Variants in MYOM1 observed in about 807,000 individuals in gnomAD.
The protein encoded by MYOM1 is myomesin 1.
Under a neutral mutation model 205.3 loss-of-function variants are expected in MYOM1, and 164 were observed. The ratio of observed to expected loss-of-function variants is 0.80; its 90% CI spans 0.70 to 0.91. The LOEUF (loss-of-function observed/expected upper bound fraction) is 0.91, where lower values mean the gene tolerates loss of function less well. MYOM1 is among the 40% of genes least tolerant of loss of function. The pLI, the probability that MYOM1 is intolerant of heterozygous loss-of-function variation, is 0.00. For synonymous variants in MYOM1, 772 were observed against 789.4 expected (o/e 0.98, Z 0.37); for missense variants, 2,011 against 2,127.3 (o/e 0.95, Z 1.08).
chr18:3,232,034 TA>T, the MYOM1 span, among the ~76,000 whole-genome samples: 3 of 151,888 alleles, frequency 2.0e-5, no homozygotes, highest in Non-Finnish European at 4.4e-5. Context: ...TTTGAATTTT[TA>T]AAAGTAGAAC....
intron 1 of MYOM1, among the ~76,000 whole-genome samples, chr18:3,215,457 A>G (rs1405995694): frequency 6.6e-6 from 1 of 151,998 alleles, no homozygotes; most frequent in African/African-American, 2.4e-5. Context: ...AGAAAAAATT[A>G]GCCGGGTGTG....
At position 3,215,102 on chromosome 18, in the gene MYOM1, T is replaced by A; in HGVS notation, c.122A>T (p.Gln41Leu). The change falls in exon 2 of 38, where the codon CAG becomes CTG. Residue 41 changes from glutamine to leucine, a missense_variant. Coordinates refer to ENST00000356443, the MANE Select transcript of MYOM1 (RefSeq NM_003803.4). ...GCGGCTGCTGTAGGCCGTGGAGCCC[T>A]GGGTGTAGACGGCGGAGCGTTTCTT... ...REKKRSAVYT[Q>L]GSTAYSSRSS... is the part of the protein sequence containing the mutation. 2 of 1,613,804 alleles carry A rather than the reference T, an allele frequency of 1.2e-6. No individual in the cohort carries two copies. The highest frequency in any genetic ancestry group is 1.1e-5 in the South Asian group (1 of 91,078).
chr18:3,153,112 TCTGTGCAGATACTG>T (rs1322943460), intron 11 of MYOM1, among the ~76,000 whole-genome samples: 2 of 152,172 alleles, frequency 1.3e-5, no homozygotes, highest in African/African-American at 4.8e-5. Context: ...CAGCCTCTTC[TCTGTGCAGATACTG>T]CTATGGTGAC....
Position 3,174,003 on chromosome 18 carries a change from A to G in MYOM1, c.1112-3T>C, listed in dbSNP as rs759317965. 24 of 1,613,028 alleles carry G rather than the reference A, an allele frequency of 1.5e-5. No homozygotes were observed. The highest frequency in any genetic ancestry group is 2.0e-5 in the Non-Finnish European group (24 of 1,179,202). On this transcript the variant is annotated splice_polypyrimidine_tract_variant and splice_region_variant and intron_variant, in intron 7 of 37. Transcript: ENST00000356443. ...CTCATCAAACTCTCCCTTATACCCT[A>G]GAGAAGAAAACAGAAACGCATGTGA...
chr18:3,206,719 A>G (rs1399354579), intron 2 of MYOM1, among the ~76,000 whole-genome samples: 1 of 152,142 alleles, frequency 6.6e-6, no homozygotes, highest in Non-Finnish European at 1.5e-5. Flanking sequence ...CAATCTTGAC[A>G]CACATGGAGG....
rs756337373 is a variant in MYOM1, at chr18:3,100,156, T to TA, written c.3727+2dup. 1 of 1,613,868 alleles carries TA rather than the reference T, an allele frequency of 6.2e-7. No homozygotes were observed. On this transcript the variant is annotated splice_region_variant and intron_variant, in intron 25 of 37. Transcript: ENST00000356443. The stretch of plus-strand genomic sequence containing the variant: ...AACCTGTGAATGTATTGTGGATACT[T>TA]ACTTGGGAACTTGTGTTCATGGCTG...
chr18:3,143,041 G>A (rs1470759193), intron 13 of MYOM1, among the ~76,000 whole-genome samples: 1 of 152,120 alleles, frequency 6.6e-6, no homozygotes, highest in East Asian at 1.9e-4. Flanking sequence ...AGAGAAACTT[G>A]CAAACCCTAT....
At chr18:3,203,517 T>C (rs1271850089) in intron 2 of MYOM1, among the ~76,000 whole-genome samples, 4 of 151,650 alleles carry the variant, frequency 2.6e-5, no homozygotes, top group East Asian at 3.9e-4. Flanking sequence ...TGCCAACAAA[T>C]TAGACAACTT....
rs1206591563 is a variant in MYOM1 at position 3,175,562 on chromosome 18, C to G, written c.1022+480G>C. 2.0e-5 allele frequency among the ~76,000 whole-genome samples: 3 copies of G among 152,146 alleles called. No individual in the cohort carries two copies. In the East Asian group the frequency reaches 5.8e-4, roughly 29 times the overall value. ...ACAGAGTGCATACTTTCCCATGGTT[C>G]CTGGCAAGCTGAAGGAAAGAACATT... On this transcript the variant is annotated intron_variant, in intron 6 of 37. Coordinates refer to ENST00000356443, the MANE Select transcript of MYOM1 (RefSeq NM_003803.4).
rs4330000 is a variant in MYOM1 at position 3,191,966 on chromosome 18, A to C, written c.431+1852T>G. Among the ~76,000 whole-genome samples the C allele has an allele frequency of 5.7e-3, 867 of 152,126 alleles. 8 individuals are homozygous for C. Among genetic ancestry groups the C allele is most frequent in the Non-Finnish European group, 9.7e-3 (661 of 67,998 alleles). Reference sequence around the variant, plus strand: ...CCGCCTCAGCCTCCCAAAGTGCTGGAATTACAGGCATGAGCCACCGTGCCT... The same window carrying C: ...CCGCCTCAGCCTCCCAAAGTGCTGGCATTACAGGCATGAGCCACCGTGCCT... On this transcript the variant is annotated intron_variant, in intron 3 of 37. Transcript: ENST00000356443.
chr18:3,135,584 T>G lies in MYOM1; in HGVS notation c.2172A>C (p.Ser724=), dbSNP rs778168118. The change falls in exon 15 of 38, where the codon TCA becomes TCC. Residue 724 remains serine, a synonymous_variant. Transcript: ENST00000356443. The surrounding 1 kb of genome is among the most constrained non-coding windows in gnomAD (Gnocchi z 4.1). ...CSNSAGVGEP[S]EATEVTVVGD... is the part of the protein sequence containing the mutation. ...CTACCACAGTCACCTCCGTTGCCTC[T>G]GAGGGCTCACCAACTCCTGCAGAAT... 8.1e-6 allele frequency: 13 copies of G among 1,613,732 alleles called. No homozygotes were observed. Among genetic ancestry groups the G allele is most frequent in the Non-Finnish European group, 1.1e-5 (13 of 1,179,878 alleles).
chr18:3,075,880 T>C, intron 34 of MYOM1, 119 bp from the exon 35 acceptor site: 1 of 834,732 alleles, frequency 1.2e-6, no homozygotes, highest in South Asian at 1.5e-5. Flanking sequence ...AAACCGACTT[T>C]GATTAAGACT....
In MYOM1 at chr18:3,089,222, A is replaced by T. The variant is rs1351310267; in HGVS notation, c.4089T>A (p.Tyr1363Ter). The T allele has an allele frequency of 6.2e-7, 1 of 1,611,846 alleles. No homozygotes were observed. Among genetic ancestry groups the T allele is most frequent in the Non-Finnish European group, 8.5e-7 (1 of 1,178,478 alleles). ...ATTCACCAGTCACTTCCCAGCTCAA[A>T]TACTCAACAAAGTGAGGACCTATAA... ...IRKQGPHFVE[Y>*]LSWEVTGECN... Residue 1363 changes from tyrosine to a stop codon, truncating the protein, a stop_gained, in exon 29 of 38, where the codon TAT (tyrosine) becomes TAA (stop). Coordinates refer to ENST00000356443, the MANE Select transcript of MYOM1 (RefSeq NM_003803.4). LOFTEE classifies it high-confidence loss of function.
chr18:3,211,564 A>G (rs905020008), intron 2 of MYOM1, among the ~76,000 whole-genome samples: 2 of 152,192 alleles, frequency 1.3e-5, no homozygotes, highest in African/African-American at 4.8e-5. Flanking sequence ...TTTAATCCTG[A>G]TGATATTTTG....
At chr18:3,143,154 T>C (rs2080076224) in intron 13 of MYOM1, among the ~76,000 whole-genome samples, 1 of 152,158 alleles carries the variant, frequency 6.6e-6, no homozygotes, top group Non-Finnish European at 1.5e-5. Flanking sequence ...AGAAGACACA[T>C]TATATATTGA....
chr18:3,067,311 GCCT>G lies in MYOM1; in HGVS notation c.5006_5008del (p.Glu1669del). The G allele has an allele frequency of 3.7e-6, 6 of 1,611,286 alleles. No individual in the cohort carries two copies. The highest frequency in any genetic ancestry group is 4.2e-6 in the Non-Finnish European group (5 of 1,179,544). On this transcript the variant is annotated inframe_deletion, in exon 38 of 38. Transcript: ENST00000356443. ...CAGGGACTCCAAGGCGGCCATCCTC[GCCT>G]CCTCCTCTGGGATGAACACGCTGAC... is the stretch of plus-strand genomic sequence containing the variant.
chr18:3,174,897 G>A (rs1274073167), intron 6 of MYOM1, among the ~76,000 whole-genome samples: 3 of 152,168 alleles, frequency 2.0e-5, no homozygotes, highest in African/African-American at 7.2e-5. Flanking sequence ...ACAGAAACTG[G>A]AATTCTTATA....
intron 27 of MYOM1, among the ~76,000 whole-genome samples, chr18:3,089,836 C>T (rs1166100134): frequency 1.3e-5 from 2 of 152,112 alleles, no homozygotes; most frequent in East Asian, 1.9e-4. Flanking sequence ...GAGATCTGGC[C>T]GGCCTTTCCA....
chr18:3,070,705 C>T (rs1176531791), intron 37 of MYOM1, among the ~76,000 whole-genome samples: 1 of 150,752 alleles, frequency 6.6e-6, no homozygotes, highest in African/African-American at 2.4e-5. Context: ...AGTTTAAAAC[C>T]AAATGGAAAG....
Sources: allele counts gnomAD v4.1 joint callset (sites outside exome capture counted in the v4.1 genomes callset), GRCh38; gene constraint gnomAD v4.1.1; non-coding constraint Gnocchi (gnomAD v3.1); transcripts MANE v1.5; gene names NCBI Gene and HGNC (gene_info 2026-07-23, HGNC 2026-07-21).